The following RNF17 variants were observed in gnomAD, a reference collection of about 807,000 sequenced individuals.
The protein encoded by RNF17 is ring finger protein 17, also known as spermatogenesis associated 23.
In RNF17, 31 loss-of-function variants were observed where a neutral mutation model predicts 200.5. The observed-to-expected ratio is 0.15, with a 90% confidence interval of 0.12 to 0.21. The LOEUF is 0.21. Ranked by LOEUF, RNF17 falls within the 10% of genes least tolerant of loss-of-function variation. RNF17 has a pLI of 1.00. For synonymous variants in RNF17, 606 were observed against 637.8 expected (o/e 0.95, Z 0.75); for missense variants, 1,628 against 1,905.1 (o/e 0.85, Z 2.71).
At chr13:24,778,201 G>T in intron 3 of RNF17, 94 bp from the exon 4 acceptor site, 1 of 775,872 alleles carries the variant, frequency 1.3e-6, no homozygotes, top group Non-Finnish European at 2.1e-6. Context: ...AGTCGAGGCT[G>T]CCATGAGCCA....
Position 24,802,291 on chromosome 13 carries a change from G to A in RNF17, c.1759-90G>A, listed in dbSNP as rs892153785. The A allele has an allele frequency of 3.2e-5, 38 of 1,175,002 alleles. 1 individual carries two copies. The highest frequency in any genetic ancestry group is 8.2e-5 in the South Asian group (5 of 61,294). 72.8% of individuals were successfully genotyped at this position (1,175,002 alleles called of 1,614,324 possible). ...GTTGGTTCAGTTTGTTCGCAGTTGC[G>A]TCTGTGGTTGGTACAAACCTAAATC... On this transcript the variant is annotated intron_variant, in intron 13 of 35. Coordinates refer to ENST00000255324, the MANE Select transcript of RNF17 (RefSeq NM_031277.3).
intron 35 of RNF17, 32 bp downstream of exon 35, chr13:24,879,327 A>G: frequency 7.4e-7 from 1 of 1,354,326 alleles, no homozygotes; most frequent in Non-Finnish European, 1.1e-6. Context: ...AGCATAAGGC[A>G]TGGGACTAGT....
chr13:24,750,786 A>C, the RNF17 span: 1 of 149,780 alleles, frequency 6.7e-6, no homozygotes, highest in Non-Finnish European at 1.5e-5. Context: ...CTTCTTTTTC[A>C]CTCTCGAAAC....
chr13:24,843,840 G>A lies in RNF17; in HGVS notation c.2700G>A (p.Val900=), dbSNP rs1890954210. 1.2e-5 allele frequency: 19 copies of A among 1,610,360 alleles called. No individual in the cohort carries two copies. Among genetic ancestry groups the A allele is most frequent in the Non-Finnish European group, 1.6e-5 (19 of 1,177,348 alleles). Residue 900 remains valine, a synonymous_variant, in exon 20 of 36, where the codon GTG becomes GTA. Coordinates refer to ENST00000255324, the MANE Select transcript of RNF17 (RefSeq NM_031277.3). ...ATGAAGTACACAACTTAAATCCTGT[G>A]TCTGCAAAATCTCTACCTAATGAGA... The part of the protein sequence containing the change: ...ISNEVHNLNP[V]SAKSLPNENF...
At chr13:24,825,422 T>C (rs1255617182) in intron 15 of RNF17, among the ~76,000 whole-genome samples, 197 bp from the exon 16 acceptor site, 1 of 152,210 alleles carries the variant, frequency 6.6e-6, no homozygotes, top group African/African-American at 2.4e-5. Flanking sequence ...TGTGACTTTA[T>C]TTTTATGTCT....
chr13:24,779,667 G>T lies in RNF17; in HGVS notation c.430G>T (p.Asp144Tyr). 1 of 1,608,426 alleles carries T rather than the reference G, an allele frequency of 6.2e-7. No individual in the cohort carries two copies. The highest frequency in any genetic ancestry group is 8.5e-7 in the Non-Finnish European group (1 of 1,175,414). ...TLLNSSAVML[D>Y]TNTAEEIDEA... The stretch of plus-strand genomic sequence containing the variant: ...GTATGTGATTTCCCTCCCTTCTTAG[G>T]ACACTAATACTGCAGAAGAAATTGA... The change falls in exon 5 of 36, where the codon GAC becomes TAC. Residue 144 changes from aspartate (D) to tyrosine (Y), a missense_variant and splice_region_variant. Physicochemically the swap from Asp to Tyr is radical, Grantham distance 160 (BLOSUM62 -3). This residue lies in a region of RNF17 where 502 missense variants were observed against 501.7 expected (regional missense o/e 1.00). Coordinates refer to ENST00000255324, the MANE Select transcript of RNF17 (RefSeq NM_031277.3).
chr13:24,851,267 T>G (rs1891864935), intron 23 of RNF17, among the ~76,000 whole-genome samples, 189 bp from the exon 24 acceptor site: 1 of 152,244 alleles, frequency 6.6e-6, no homozygotes, highest in African/African-American at 2.4e-5. Flanking sequence ...GTGCTGGGAT[T>G]ACAGGCGTGA....
intron 16 of RNF17, 128 bp downstream of exon 16, chr13:24,825,900 T>C: frequency 7.1e-7 from 1 of 1,404,110 alleles, no homozygotes; most frequent in Non-Finnish European, 9.4e-7. Flanking sequence ...CATCTGTCTT[T>C]AGAAAAGCTA....
chr13:24,848,953 C>T (rs535751198), intron 22 of RNF17, among the ~76,000 whole-genome samples: 16 of 152,240 alleles, frequency 1.1e-4, no homozygotes, highest in African/African-American at 3.6e-4. Context: ...AGCACATTTA[C>T]GAAATCCTGT....
At chr13:24,883,010 T>C (rs1420346927), downstream of RNF17, 36 of 637,384 alleles carry the variant, frequency 5.6e-5, no homozygotes, top group Middle Eastern at 4.2e-4. Flanking sequence ...AGAGCTATCA[T>C]TGCATTTCAA....
Position 24,864,874 on chromosome 13 carries a change from A to C in RNF17, c.3977A>C (p.Glu1326Ala), listed in dbSNP as rs1459270879. Residue 1326 changes from glutamate to alanine, a missense_variant and splice_region_variant, in exon 29 of 36, where the codon GAG becomes GCG. Transcript: ENST00000255324. ...TTATCTTTATTGAACTTTAAATAGG[A>C]GTTACCTAAAAATCCATGGGAGAAA... ...SKRQVDIHIM[E>A]LPKNPWEKLS... 1.3e-6 allele frequency: 2 copies of C among 1,537,562 alleles called. No individual in the cohort carries two copies. Among genetic ancestry groups the C allele is most frequent in the East Asian group, 2.3e-5 (1 of 43,844 alleles).
Position 24,879,273 on chromosome 13 carries a change from T to TA in RNF17, c.4863dup (p.Asp1622ArgfsTer2). The stretch of plus-strand genomic sequence containing the variant: ...CGTTGGTAGAAATGGGGCTTGCAGA[T>TA]AAAGATGAATAAGTGCCTAAGTGTA... On this transcript the variant is annotated frameshift_variant, in exon 35 of 36. Coordinates refer to ENST00000255324, the MANE Select transcript of RNF17 (RefSeq NM_031277.3). LOFTEE classifies it high-confidence loss of function. 2 of 1,606,708 alleles carry TA rather than the reference T, an allele frequency of 1.2e-6. No homozygotes were observed. Among genetic ancestry groups the TA allele is most frequent in the Non-Finnish European group, 8.5e-7 (1 of 1,173,352 alleles).
At chr13:24,853,700 A>G (rs1892179924) in intron 24 of RNF17, among the ~76,000 whole-genome samples, 155 bp from the exon 25 acceptor site, 1 of 152,210 alleles carries the variant, frequency 6.6e-6, no homozygotes, top group Non-Finnish European at 1.5e-5. Context: ...AATTTAAAGT[A>G]GTTTTAATTT....
intron 18 of RNF17, among the ~76,000 whole-genome samples, chr13:24,839,587 C>A (rs941946366): frequency 6.6e-6 from 1 of 152,090 alleles, no homozygotes; most frequent in Non-Finnish European, 1.5e-5. Context: ...CAAATACTTA[C>A]AGCCACTGAT....
At chr13:24,800,259 G>A (rs1376052850) in intron 12 of RNF17, 107 bp from the exon 13 acceptor site, 19 of 717,744 alleles carry the variant, frequency 2.6e-5, no homozygotes. Flanking sequence ...TTTCTAAAAG[G>A]TGTAACTTAA....
At chr13:24,851,802 T>G (rs1891923081) in intron 24 of RNF17, among the ~76,000 whole-genome samples, 1 of 152,202 alleles carries the variant, frequency 6.6e-6, no homozygotes, top group African/African-American at 2.4e-5. Context: ...ATACTTGCTT[T>G]TGTAATTTCC....
At chr13:24,780,900 A>C (rs567492843) in intron 5 of RNF17, among the ~76,000 whole-genome samples, 100 of 152,270 alleles carry the variant, frequency 6.6e-4, no homozygotes, top group African/African-American at 2.3e-3. Context: ...AAAATTAAAA[A>C]TTAATAAAAA....
intron 25 of RNF17, among the ~76,000 whole-genome samples, chr13:24,856,147 G>C (rs1312265095): frequency 6.6e-6 from 1 of 151,910 alleles, no homozygotes; most frequent in Non-Finnish European, 1.5e-5. Context: ...TGGGCCAGGC[G>C]CAGTGGCTCA....
rs1454130979 is a variant in RNF17, at chr13:24,795,736, T to G, written c.1241-401T>G. Among the ~76,000 whole-genome samples the G allele has an allele frequency of 2.0e-5, 3 of 152,168 alleles. No homozygotes were observed. The East Asian group carries it at 5.8e-4, about 29-fold the overall frequency. On this transcript the variant is annotated intron_variant, in intron 10 of 35. Transcript: ENST00000255324. ...AGGTAGAGTATAGATGGAACTGGCTTTTGTAGGTTATCCTAGAAACCTAAT... is the reference window on the plus strand; with the variant it reads ...AGGTAGAGTATAGATGGAACTGGCTGTTGTAGGTTATCCTAGAAACCTAAT...
Sources: allele counts gnomAD v4.1 joint callset (sites outside exome capture counted in the v4.1 genomes callset), GRCh38; gene constraint gnomAD v4.1.1; regional missense constraint gnomAD v4.1.1; transcripts MANE v1.5; gene names NCBI Gene and HGNC (gene_info 2026-07-23, HGNC 2026-07-21).